Variants in CRK observed in about 807,000 individuals in gnomAD.
The protein encoded by CRK is adapter molecule crk.
Under a neutral mutation model 29.8 loss-of-function variants are expected in CRK, and 4 were observed. That is an observed-to-expected ratio of 0.13 (90% CI 0.07 to 0.31). The LOEUF is 0.31. Among genes scored for constraint, CRK ranks in the 10% least tolerant of loss-of-function variants. The pLI is 1.00. For missense variants in CRK, 274 were observed against 396.5 expected, an observed-to-expected ratio of 0.69 and a Z score of 2.62; for synonymous variants, 153 against 164.9, an observed-to-expected ratio of 0.93 and a Z score of 0.55.
intron 2 of CRK, among the ~76,000 whole-genome samples, chr17:1,432,473 T>C (rs1410161404): frequency 1.9e-5 from 2 of 107,784 alleles, no homozygotes; most frequent in East Asian, 2.4e-4. Context: ...TGAGACCTTG[T>C]CTTAAAAAAA....
chr17:1,423,133 C>T lies in CRK; in HGVS notation c.*380G>A, dbSNP rs904450239. On this transcript the variant is annotated 3_prime_UTR_variant, in exon 3 of 3. Transcript: ENST00000300574. ...CTGTCGCCATTTGATAGTATGGTTC[C>T]AGAATGAAAACAAAACCACTGAATA... 2 of 431,826 alleles carry T rather than the reference C, an allele frequency of 4.6e-6. No individual in the cohort carries two copies. Among genetic ancestry groups the T allele is most frequent in the African/African-American group, 4.1e-5 (2 of 49,050 alleles). The allele number at this position is 431,826 out of a possible 1,614,324, so 26.7% of individuals were successfully genotyped here.
At chr17:1,449,392 ATGTTAT>A (rs2074001326) in intron 1 of CRK, among the ~76,000 whole-genome samples, 1 of 152,164 alleles carries the variant, frequency 6.6e-6, no homozygotes. Context: ...CACCTCAGTT[ATGTTAT>A]TAAGATTCGT....
chr17:1,434,276 G>A (rs2073870394), intron 2 of CRK, among the ~76,000 whole-genome samples: 1 of 152,096 alleles, frequency 6.6e-6, no homozygotes, highest in South Asian at 2.1e-4. Context: ...GGCATGGGTA[G>A]TATTGGTGGA....
intron 1 of CRK, among the ~76,000 whole-genome samples, chr17:1,455,096 C>G (rs1272573900): frequency 6.6e-6 from 1 of 152,188 alleles, no homozygotes; most frequent in Non-Finnish European, 1.5e-5. Context: ...TGCCTCACTT[C>G]TGGTTTATTT....
chr17:1,433,305 G>A (rs2073860777), intron 2 of CRK, among the ~76,000 whole-genome samples: 1 of 152,068 alleles, frequency 6.6e-6, no homozygotes, highest in Non-Finnish European at 1.5e-5. Flanking sequence ...GCACATCACT[G>A]ACTGCTAACA....
intron 1 of CRK, among the ~76,000 whole-genome samples, chr17:1,451,625 G>A (rs960652717): frequency 6.6e-6 from 1 of 152,168 alleles, no homozygotes; most frequent in Non-Finnish European, 1.5e-5. Flanking sequence ...GCCTGAGTCA[G>A]AAGGGCTGCC....
At chr17:1,450,400 A>C (rs11652967) in intron 1 of CRK, among the ~76,000 whole-genome samples, 1 of 151,530 alleles carries the variant, frequency 6.6e-6, no homozygotes, top group African/African-American at 2.4e-5. Context: ...CCAGCTGCTC[A>C]GGAGGCTGAG....
In CRK at chr17:1,423,491, C is replaced by G; in HGVS notation, c.*22G>C. 1 of 1,587,550 alleles carries G rather than the reference C, an allele frequency of 6.3e-7. No homozygotes were observed. On this transcript the variant is annotated 3_prime_UTR_variant, in exon 3 of 3. Transcript: ENST00000300574. ...AAAAAAAAAGATTGTTCCCATCTGTCAGCAAAACTGTTGAACTATACTCAG... is the reference window on the plus strand; with the variant it reads ...AAAAAAAAAGATTGTTCCCATCTGTGAGCAAAACTGTTGAACTATACTCAG...
chr17:1,455,876 CCGGGCGGAGGCTGGG>C lies in CRK; in HGVS notation c.227_241del (p.Ala76_Pro80del). ...GGCCCGCCGTCCCGTCAGTCCCTCA[CCGGGCGGAGGCTGGG>C]CGGGCGACGGTGGCACCGGCGGGCG... On this transcript the variant is annotated inframe_deletion and splice_region_variant, in exon 1 of 3. Transcript: ENST00000300574. The C allele has an allele frequency of 6.3e-7, 1 of 1,579,896 alleles. No individual in the cohort carries two copies. The highest frequency in any genetic ancestry group is 8.6e-7 in the Non-Finnish European group (1 of 1,165,814).
Position 1,456,102 on chromosome 17 carries a change from C to T in CRK, c.16G>A (p.Asp6Asn). Residue 6 changes from aspartate to asparagine, a missense_variant, in exon 1 of 3, where the codon GAC becomes AAC. Transcript: ENST00000300574. ...TACCAGCTACTCCGCTCCTCCGAGT[C>T]GAAGTTGCCCGCCATGGCTGCCTCC... MAGNF[D>N]SEERSSWYWG... is the part of the protein sequence containing the mutation. 1.3e-6 allele frequency: 2 copies of T among 1,549,998 alleles called. No individual in the cohort carries two copies. The highest frequency in any genetic ancestry group is 1.7e-6 in the Non-Finnish European group (2 of 1,151,762).
chr17:1,425,151 G>A (rs543835303), intron 2 of CRK, among the ~76,000 whole-genome samples: 56 of 151,344 alleles, frequency 3.7e-4, no homozygotes, highest in Non-Finnish European at 6.6e-4. Flanking sequence ...GTGCAGTGGC[G>A]CTATCTCAGC....
intron 1 of CRK, among the ~76,000 whole-genome samples, chr17:1,448,746 C>T (rs777837598): frequency 4.6e-5 from 7 of 151,912 alleles, no homozygotes; most frequent in Admixed American, 2.0e-4. Context: ...CCCACTGGAC[C>T]GTTTCCCAGA....
Position 1,456,183 on chromosome 17 carries a change from G to A in CRK, c.-66C>T, listed in dbSNP as rs550264154. 6.6e-6 allele frequency: 9 copies of A among 1,366,588 alleles called. No homozygotes were observed. In the East Asian group the frequency reaches 1.6e-4, roughly 24 times the overall value. 84.7% of individuals were successfully genotyped at this position (1,366,588 alleles called of 1,614,324 possible). ...CGCGCCCCTCCGGCCCCCGGCGCCC[G>A]CCGCCCAGCGGACCGGCTCCGGTTT... is the stretch of plus-strand genomic sequence containing the variant. On this transcript the variant is annotated 5_prime_UTR_variant, in exon 1 of 3. Transcript: ENST00000300574.
At chr17:1,427,313 G>A (rs2150899658) in intron 2 of CRK, among the ~76,000 whole-genome samples, 1 of 151,308 alleles carries the variant, frequency 6.6e-6, no homozygotes, top group Admixed American at 6.6e-5. Context: ...AAGAATCTTG[G>A]CCGGGCGCGG....
intron 1 of CRK, among the ~76,000 whole-genome samples, chr17:1,440,351 C>T (rs2073924990): frequency 6.6e-6 from 1 of 150,586 alleles, no homozygotes; most frequent in South Asian, 2.1e-4. Context: ...GCAGTTGCAG[C>T]TACTTGGGAG....
intron 1 of CRK, among the ~76,000 whole-genome samples, chr17:1,450,592 T>C (rs2074009923): frequency 6.6e-6 from 1 of 151,878 alleles, no homozygotes. Context: ...AAACAAAATA[T>C]ACTCTGTAGG....
chr17:1,437,285 CAA>C, intron 1 of CRK, 130 bp from the exon 2 acceptor site: 1 of 972,368 alleles, frequency 1.0e-6, no homozygotes, highest in Non-Finnish European at 1.5e-6. Flanking sequence ...CTCCGGGGCT[CAA>C]GTGATCCTCT....
chr17:1,448,260 C>T (rs901412179), intron 1 of CRK, among the ~76,000 whole-genome samples: 20 of 152,032 alleles, frequency 1.3e-4, no homozygotes, highest in African/African-American at 4.8e-4. Context: ...TCTGAGTTAC[C>T]TAACTTCTGT....
intron 1 of CRK, among the ~76,000 whole-genome samples, chr17:1,450,196 C>T (rs1304369184): frequency 6.6e-6 from 1 of 151,956 alleles, no homozygotes; most frequent in African/African-American, 2.4e-5. Flanking sequence ...CAGAGCAAGA[C>T]TCTGTCTCAA....
Sources: gnomAD v4.1 joint callset for allele counts (sites outside exome capture counted in the v4.1 genomes callset) on GRCh38, gnomAD v4.1.1 for gene constraint, MANE v1.5 for transcripts, NCBI Gene and HGNC (gene_info 2026-07-23, HGNC 2026-07-21) for gene names.